The following NEBL variants were observed in gnomAD, a reference collection of about 807,000 sequenced individuals.
NEBL encodes nebulette.
A neutral mutation model predicts 140.2 loss-of-function variants in NEBL; 122 were observed. The observed-to-expected ratio is 0.87, with a 90% CI of 0.75 to 1.01. NEBL has a LOEUF of 1.01. NEBL is among the 50% of genes least tolerant of loss of function. The pLI, the probability that NEBL is intolerant of heterozygous loss-of-function variation, is 0.00. For synonymous variants in NEBL, 436 were observed against 398.9 expected (o/e 1.09, Z -1.11); for missense variants, 1,365 against 1,231.3 (o/e 1.11, Z -1.62).
In NEBL at chr10:20,783,188, T is replaced by A. The variant is rs567866199; in HGVS notation, c.*2559A>T. ...TTCAGGCATGTCATTTTTTTTTAAA[T>A]GATGCTTTTAAAAATAGCACTTTGG... On this transcript the variant is annotated 3_prime_UTR_variant, in exon 28 of 28. Transcript: ENST00000377122. 2 of 152,454 alleles carry A rather than the reference T, an allele frequency of 1.3e-5. No individual in the cohort carries two copies. Among genetic ancestry groups the A allele is most frequent in the Non-Finnish European group, 2.9e-5 (2 of 68,036 alleles). The allele number at this position is 152,454 out of a possible 1,614,324, so 9.4% of individuals were successfully genotyped here.
chr10:21,196,026 T>A (rs1043362385), intron 3 of NEBL, among the ~76,000 whole-genome samples: 3 of 152,172 alleles, frequency 2.0e-5, no homozygotes, highest in Non-Finnish European at 4.4e-5. Context: ...ATTTTTCAGA[T>A]GGAGTCTCAC....
At chr10:21,133,658 C>T (rs1839216796) in intron 2 of NEBL, among the ~76,000 whole-genome samples, 1 of 152,184 alleles carries the variant, frequency 6.6e-6, no homozygotes, top group South Asian at 2.1e-4. Context: ...ACACCCAGTA[C>T]ATATTAGCTG....
intron 4 of NEBL, among the ~76,000 whole-genome samples, chr10:20,923,858 AGG>A (rs1564445309): frequency 6.6e-6 from 1 of 151,830 alleles, no homozygotes; most frequent in African/African-American, 2.4e-5. Flanking sequence ...CCTCATATCT[AGG>A]AACCCAGCAG....
At chr10:21,236,491 G>A (rs920186316) in intron 3 of NEBL, among the ~76,000 whole-genome samples, 8 of 151,832 alleles carry the variant, frequency 5.3e-5, no homozygotes, top group African/African-American at 1.9e-4. Context: ...GGGACTACAG[G>A]TGCACACGAC....
At chr10:21,014,139 T>C (rs902495217) in intron 3 of NEBL, among the ~76,000 whole-genome samples, 17 of 152,040 alleles carry the variant, frequency 1.1e-4, no homozygotes, top group African/African-American at 3.9e-4. Context: ...TAATATTATT[T>C]TAGATTTAGG....
intron 1 of NEBL, among the ~76,000 whole-genome samples, chr10:21,282,494 A>G (rs1297865353): frequency 6.6e-6 from 1 of 152,158 alleles, no homozygotes; most frequent in Non-Finnish European, 1.5e-5. Context: ...CAGATCAAGA[A>G]GTTAAGGCCA....
intron 1 of NEBL, among the ~76,000 whole-genome samples, chr10:21,279,117 C>T (rs887810074): frequency 6.6e-6 from 1 of 152,132 alleles, no homozygotes; most frequent in South Asian, 2.1e-4. Flanking sequence ...CACATCATAC[C>T]GTCTCTGTTG....
In NEBL at chr10:21,168,903, G is replaced by A. The variant is rs1459636153; in HGVS notation, c.164+3480C>T. Among the ~76,000 whole-genome samples the A allele has an allele frequency of 2.7e-5, 4 of 150,648 alleles. No individual in the cohort carries two copies. In the East Asian group the frequency reaches 5.9e-4, roughly 22 times the overall value. ...CTCTACTAAAAAATACAAAAAATTA[G>A]CCGGGCTTGGTGGCGGGCGCCCCTA... On this transcript the variant is annotated intron_variant, in intron 2 of 6. Coordinates refer to the NEBL transcript ENST00000417816.
At chr10:21,092,493 A>C (rs1318990552) in intron 2 of NEBL, among the ~76,000 whole-genome samples, 1 of 151,862 alleles carries the variant, frequency 6.6e-6, no homozygotes. Context: ...CCTGCCTATA[A>C]TTTCCCTTGT....
chr10:20,809,448 T>C (rs1297797510), intron 25 of NEBL, among the ~76,000 whole-genome samples: 1 of 152,220 alleles, frequency 6.6e-6, no homozygotes, highest in Admixed American at 6.5e-5. Context: ...TATATAATTC[T>C]TTAAATCTAC....
At chr10:21,266,038 G>A (rs182998098) in intron 1 of NEBL, among the ~76,000 whole-genome samples, 2 of 152,246 alleles carry the variant, frequency 1.3e-5, no homozygotes, top group East Asian at 3.9e-4. Context: ...AGCACCTCTG[G>A]CTGCCCCTGC....
intron 1 of NEBL, among the ~76,000 whole-genome samples, chr10:21,274,989 A>C (rs898490880): frequency 1.3e-5 from 2 of 152,156 alleles, no homozygotes; most frequent in African/African-American, 4.8e-5. Flanking sequence ...GGGAAGGCAG[A>C]GGAGGAAGAA....
chr10:21,104,587 T>C (rs775765257), intron 2 of NEBL, among the ~76,000 whole-genome samples: 7 of 152,236 alleles, frequency 4.6e-5, no homozygotes, highest in Non-Finnish European at 8.8e-5. Context: ...TATACTGCAT[T>C]CTCACTAAAC....
intron 4 of NEBL, among the ~76,000 whole-genome samples, chr10:20,920,317 G>C (rs1199758439): frequency 2.6e-5 from 4 of 152,090 alleles, no homozygotes; most frequent in Non-Finnish European, 1.5e-5. Context: ...AGGGGTACTG[G>C]TAAAAAATAT....
chr10:21,269,272 C>T (rs1042521920), intron 1 of NEBL, among the ~76,000 whole-genome samples: 20 of 152,054 alleles, frequency 1.3e-4, no homozygotes, highest in East Asian at 1.9e-4. Flanking sequence ...AAGGGCTGGC[C>T]GAGGCAGCCT....
At chr10:21,151,450 G>A (rs571985669) in intron 2 of NEBL, among the ~76,000 whole-genome samples, 8 of 152,090 alleles carry the variant, frequency 5.3e-5, no homozygotes, top group South Asian at 2.1e-4. Flanking sequence ...TAGCACAAGC[G>A]CACACACACA....
At chr10:20,823,169 C>T in intron 19 of NEBL, 39 bp downstream of exon 19, 1 of 1,451,094 alleles carries the variant, frequency 6.9e-7, no homozygotes, top group Non-Finnish European at 9.6e-7. Flanking sequence ...TGTTGATATA[C>T]AATAAAATTT....
intron 1 of NEBL, among the ~76,000 whole-genome samples, chr10:21,278,851 C>T (rs561589661): frequency 2.6e-5 from 4 of 152,138 alleles, no homozygotes; most frequent in Non-Finnish European, 2.9e-5. Flanking sequence ...CCTCACTCCC[C>T]GCAAGGCCTG....
chr10:21,190,460 T>G (rs11599538), intron 3 of NEBL, among the ~76,000 whole-genome samples: 26,283 of 151,958 alleles, frequency 0.17, 2,699 homozygotes, highest in African/African-American at 0.28. Context: ...CTCCAGCCTG[T>G]GCGACAGAGC....
Sources: gnomAD v4.1 joint callset for allele counts (sites outside exome capture counted in the v4.1 genomes callset) on GRCh38, gnomAD v4.1.1 for gene constraint, MANE v1.5 for transcripts, NCBI Gene and HGNC (gene_info 2026-07-23, HGNC 2026-07-21) for gene names.